NEMP2: variants seen among roughly 807,000 people sequenced by gnomAD.
NEMP2 encodes nuclear envelope integral membrane protein 2.
NEMP2 carries 53 observed loss-of-function variants against 54.2 expected under a neutral mutation model. The observed-to-expected ratio is 0.98, with a 90% confidence interval of 0.78 to 1.23. The LOEUF is 1.23. Among genes scored for constraint, NEMP2 ranks in the 50% most tolerant of loss-of-function variants. The pLI is 0.00. For missense variants in NEMP2, 455 were observed against 511.3 expected (o/e 0.89, Z 1.06); for synonymous variants, 197 against 190.3 (o/e 1.04, Z -0.29).
chr2:190,631,049 A>C, the NEMP2 span, among the ~76,000 whole-genome samples: 1 of 152,174 alleles, frequency 6.6e-6, no homozygotes, highest in Non-Finnish European at 1.5e-5. Context: ...CAAATATAAA[A>C]AATGATAATA....
At chr2:190,571,112 GT>G in the NEMP2 span, among the ~76,000 whole-genome samples, 1 of 152,138 alleles carries the variant, frequency 6.6e-6, no homozygotes, top group Non-Finnish European at 1.5e-5. Flanking sequence ...CTGTGCCTTA[GT>G]TTTATTTTCT....
the NEMP2 span, among the ~76,000 whole-genome samples, chr2:190,423,521 A>G: frequency 1.3e-5 from 2 of 152,154 alleles, no homozygotes; most frequent in East Asian, 3.8e-4. This position sits in a 1 kb window ranked among gnomAD's most constrained non-coding sequence, Gnocchi z 4.3. Context: ...CAATTTGTTT[A>G]ATTAGTCCTT....
the NEMP2 span, among the ~76,000 whole-genome samples, chr2:190,455,557 C>A: frequency 5.9e-5 from 9 of 152,104 alleles, no homozygotes; most frequent in African/African-American, 2.2e-4. Flanking sequence ...CCTTTCAGGG[C>A]CTTGGTTTCA....
the NEMP2 span, among the ~76,000 whole-genome samples, chr2:190,447,161 A>AAGG: frequency 1.6e-3 from 239 of 152,344 alleles, 1 homozygote; most frequent in African/African-American, 5.6e-3. This position sits in a 1 kb window ranked among gnomAD's most constrained non-coding sequence, Gnocchi z 4.5. Flanking sequence ...GGTGTCTGAC[A>AAGG]TGGAATTATT....
the NEMP2 span, among the ~76,000 whole-genome samples, chr2:190,475,809 C>G: frequency 6.6e-6 from 1 of 152,174 alleles, no homozygotes; most frequent in African/African-American, 2.4e-5. Flanking sequence ...TGACTTCAAA[C>G]TATACTACAA....
chr2:190,534,025 G>A (rs1426833840), intron 1 of NEMP2: 3 of 980,548 alleles, frequency 3.1e-6, no homozygotes, highest in Non-Finnish European at 3.6e-6. Flanking sequence ...CCGCTCACGT[G>A]GGACCGTTAT....
the NEMP2 span, among the ~76,000 whole-genome samples, chr2:190,485,327 C>A: frequency 6.6e-6 from 1 of 152,104 alleles, no homozygotes; most frequent in African/African-American, 2.4e-5. The surrounding 1 kb of genome is among the most constrained non-coding windows in gnomAD (Gnocchi z 5.1). Context: ...GTAAATCCTG[C>A]AATTGATTGC....
At chr2:190,564,282 C>A in the NEMP2 span, among the ~76,000 whole-genome samples, 1 of 152,086 alleles carries the variant, frequency 6.6e-6, no homozygotes, top group South Asian at 2.1e-4. This position sits in a 1 kb window ranked among gnomAD's most constrained non-coding sequence, Gnocchi z 4.2. Flanking sequence ...ATGTGAACTC[C>A]AGGAACCATT....
downstream of NEMP2, chr2:190,500,154 G>A (rs778604042): frequency 1.9e-6 from 3 of 1,614,126 alleles, no homozygotes; most frequent in Admixed American, 3.3e-5. This position sits in a 1 kb window ranked among gnomAD's most constrained non-coding sequence, Gnocchi z 5.3. Context: ...GCTCACCCCA[G>A]TGTGGACCCG....
chr2:190,488,192 C>T, the NEMP2 span, among the ~76,000 whole-genome samples: 9 of 152,206 alleles, frequency 5.9e-5, no homozygotes, highest in South Asian at 8.3e-4. This position sits in a 1 kb window ranked among gnomAD's most constrained non-coding sequence, Gnocchi z 6.4. Context: ...TGAGCCACTG[C>T]GCCCAGCCAC....
At chr2:190,489,909 C>A in the NEMP2 span, 1 of 1,523,486 alleles carries the variant, frequency 6.6e-7, no homozygotes, top group Non-Finnish European at 8.9e-7. This position sits in a 1 kb window ranked among gnomAD's most constrained non-coding sequence, Gnocchi z 6.6. Flanking sequence ...ACAGTTCAGG[C>A]CATGGGAAGT....
the NEMP2 span, among the ~76,000 whole-genome samples, chr2:190,440,830 A>G: frequency 6.6e-6 from 1 of 152,200 alleles, no homozygotes; most frequent in Admixed American, 6.5e-5. Context: ...CAAATGAACT[A>G]GCCAGTCAGT....
the NEMP2 span, chr2:190,497,337 G>A: frequency 7.6e-7 from 1 of 1,315,116 alleles, no homozygotes; most frequent in Non-Finnish European, 1.0e-6. This position sits in a 1 kb window ranked among gnomAD's most constrained non-coding sequence, Gnocchi z 5.2. Context: ...CAAGCACTCT[G>A]GAATGGGTAT....
At position 190,525,370 on chromosome 2, in the gene NEMP2, A is replaced by T; in HGVS notation, c.106T>A (p.Cys36Ser). Reference sequence around the variant, plus strand: ...AAATCTTTTTCCTTCAAAGCTTTACACCTACGAACTGAGAGATGGAAAAGG... The same window carrying T: ...AAATCTTTTTCCTTCAAAGCTTTACTCCTACGAACTGAGAGATGGAAAAGG... ...AAAAALSVRR[C>S]KALKEKDLIR... is the part of the protein sequence containing the mutation. Residue 36 changes from cysteine to serine, a missense_variant, in exon 2 of 9, where the codon TGT (cysteine) becomes AGT (serine). This residue lies in a region of NEMP2 where 100 missense variants were observed against 80.2 expected (regional missense o/e 1.25). Transcript: ENST00000409150. This position sits in a 1 kb window ranked among gnomAD's most constrained non-coding sequence, Gnocchi z 5.0. 6.6e-7 allele frequency: 1 copy of T among 1,516,282 alleles called. No individual in the cohort carries two copies. Among genetic ancestry groups the T allele is most frequent in the Non-Finnish European group, 8.9e-7 (1 of 1,117,460 alleles). The allele number at this position is 1,516,282 out of a possible 1,614,324, so 93.9% of individuals were successfully genotyped here.
chr2:190,513,692 C>T lies in NEMP2; in HGVS notation c.953+761G>A, dbSNP rs1349867579. ...CTTTCTCTCCATCAGGAAAGCCCTC[C>T]GCATTTATTCGTCTGGTTATTTTTA... On this transcript the variant is annotated intron_variant, in intron 7 of 8. Transcript: ENST00000409150. This position sits in a 1 kb window ranked among gnomAD's most constrained non-coding sequence, Gnocchi z 5.3. 2.6e-5 allele frequency among the ~76,000 whole-genome samples: 4 copies of T among 152,306 alleles called. No homozygotes were observed. Among genetic ancestry groups the T allele is most frequent in the East Asian group, 1.9e-4 (1 of 5,194 alleles).
At chr2:190,545,504 G>T in the NEMP2 span, among the ~76,000 whole-genome samples, 3 of 152,256 alleles carry the variant, frequency 2.0e-5, no homozygotes, top group African/African-American at 7.2e-5. Context: ...TTTCTTAGTC[G>T]TTTTTTGATA....
At chr2:190,541,800 C>T in the NEMP2 span, among the ~76,000 whole-genome samples, 1 of 151,956 alleles carries the variant, frequency 6.6e-6, no homozygotes, top group Non-Finnish European at 1.5e-5. The surrounding 1 kb of genome is among the most constrained non-coding windows in gnomAD (Gnocchi z 5.2). Context: ...GAACATTTTT[C>T]TGGGAAGGAT....
At chr2:190,441,736 C>T in the NEMP2 span, among the ~76,000 whole-genome samples, 13 of 152,208 alleles carry the variant, frequency 8.5e-5, no homozygotes, top group South Asian at 6.2e-4. Flanking sequence ...CTCCTCAGCT[C>T]TAGAGACCTC....
chr2:190,626,771 A>G, the NEMP2 span: 1 of 152,234 alleles, frequency 6.6e-6, no homozygotes, highest in Non-Finnish European at 1.5e-5. This position sits in a 1 kb window ranked among gnomAD's most constrained non-coding sequence, Gnocchi z 4.5. Context: ...TCTCGAATGA[A>G]TAACAGTTTT....
Sources: allele counts gnomAD v4.1 joint callset (sites outside exome capture counted in the v4.1 genomes callset), GRCh38; gene constraint gnomAD v4.1.1; regional missense constraint gnomAD v4.1.1; non-coding constraint Gnocchi (gnomAD v3.1); transcripts MANE v1.5; gene names NCBI Gene and HGNC (gene_info 2026-07-23, HGNC 2026-07-21).